Variants in DBT observed in about 807,000 individuals in gnomAD.
The protein encoded by DBT is dihydrolipoamide branched chain transacylase E2, also known as lipoamide acyltransferase component of branched-chain alpha-keto acid dehydrogenase complex, mitochondrial.
In DBT, 40 loss-of-function variants were observed where a neutral mutation model predicts 51.3. That is an observed-to-expected ratio of 0.78 (90% CI 0.61 to 1.02). DBT has a LOEUF of 1.02. Ranked by LOEUF, DBT falls within the 50% of genes least tolerant of loss-of-function variation. The pLI is 0.00. For missense variants in DBT, 510 were observed against 580.2 expected, an observed-to-expected ratio of 0.88 and a Z score of 1.24; for synonymous variants, 181 against 190.4, an observed-to-expected ratio of 0.95 and a Z score of 0.41.
At chr1:100,230,400 A>C (rs6681732) in intron 4 of DBT, among the ~76,000 whole-genome samples, 120,887 of 152,144 alleles carry the variant, frequency 0.79, 49,410 homozygotes, top group East Asian at 0.95. Flanking sequence ...TATGTGGAAC[A>C]ATGTATAATG....
In DBT at chr1:100,191,829, G is replaced by GCTCT. The variant is rs1660825893; in HGVS notation, c.*4425_*4426insAGAG. On this transcript the variant is annotated 3_prime_UTR_variant, in exon 11 of 11. Coordinates refer to ENST00000370132, the MANE Select transcript of DBT (RefSeq NM_001918.5). ...ACACAGAGTCTTGCTCTGTCGCCCA[G>GCTCT]GCTGGAGCGCAATGGCACAATCTCA... 5 of 151,538 alleles carry GCTCT rather than the reference G, an allele frequency of 3.3e-5. No individual in the cohort carries two copies. The highest frequency in any genetic ancestry group is 4.4e-5 in the Non-Finnish European group (3 of 68,462). 9.4% of individuals were successfully genotyped at this position (151,538 alleles called of 1,614,324 possible).
intron 9 of DBT, 27 bp from the exon 10 acceptor site, chr1:100,206,328 A>G (rs1661788149): frequency 1.9e-6 from 3 of 1,579,600 alleles, no homozygotes; most frequent in South Asian, 1.1e-5. Context: ...AAAAAAGGAG[A>G]GTATTAAAAG....
chr1:100,229,492 TTTC>T (rs1423360102), intron 4 of DBT, among the ~76,000 whole-genome samples: 1 of 152,176 alleles, frequency 6.6e-6, no homozygotes, highest in Non-Finnish European at 1.5e-5. Flanking sequence ...TTGGGTTTAG[TTTC>T]TTCATCTGCT....
At chr1:100,224,686 A>AC in intron 4 of DBT, among the ~76,000 whole-genome samples, 1 of 152,116 alleles carries the variant, frequency 6.6e-6, no homozygotes, top group Non-Finnish European at 1.5e-5. Flanking sequence ...CTTTACTGAG[A>AC]TAGAGCTGAC....
rs1254617766 is a variant in DBT at position 100,195,317 on chromosome 1, TATCC to T, written c.*934_*937del. The T allele has an allele frequency of 1.3e-5, 2 of 152,628 alleles. No homozygotes were observed. The highest frequency in any genetic ancestry group is 2.9e-5 in the Non-Finnish European group (2 of 68,026). The allele number at this position is 152,628 out of a possible 1,614,324, so 9.5% of individuals were successfully genotyped here. Reference sequence around the variant, plus strand: ...AAGCATTACCACAAATCTAAAACTATATCCATTTTAAACAAACACCTTTAATAGA... The same window carrying T: ...AAGCATTACCACAAATCTAAAACTATATTTTAAACAAACACCTTTAATAGA... On this transcript the variant is annotated 3_prime_UTR_variant, in exon 11 of 11. Transcript: ENST00000370132.
chr1:100,246,002 G>T (rs751041515), intron 1 of DBT, among the ~76,000 whole-genome samples: 2 of 152,090 alleles, frequency 1.3e-5, no homozygotes, highest in Non-Finnish European at 2.9e-5. Context: ...AGTGGCTCAT[G>T]CCTGTAATCC....
intron 4 of DBT, among the ~76,000 whole-genome samples, chr1:100,220,514 T>G (rs1177649013): frequency 6.6e-6 from 1 of 152,222 alleles, no homozygotes; most frequent in Non-Finnish European, 1.5e-5. Context: ...GTCTATGAAT[T>G]GGCCCAGTGG....
intron 3 of DBT, among the ~76,000 whole-genome samples, chr1:100,231,329 G>T (rs1322765890): frequency 6.6e-6 from 1 of 152,126 alleles, no homozygotes; most frequent in Non-Finnish European, 1.5e-5. Flanking sequence ...CATATCCTTT[G>T]TAATTTCATG....
chr1:100,248,347 C>T (rs551173585), intron 1 of DBT, among the ~76,000 whole-genome samples: 2 of 152,318 alleles, frequency 1.3e-5, no homozygotes, highest in Admixed American at 1.3e-4. Context: ...TGGGGATGCT[C>T]TGTATGCATG....
At chr1:100,207,230 A>G (rs1661839790) in intron 8 of DBT, among the ~76,000 whole-genome samples, 1 of 152,206 alleles carries the variant, frequency 6.6e-6, no homozygotes, top group African/African-American at 2.4e-5. Context: ...CTGGGGGCTG[A>G]AATGACGTCA....
At chr1:100,208,661 G>A (rs1428400224) in intron 8 of DBT, among the ~76,000 whole-genome samples, 2 of 151,852 alleles carry the variant, frequency 1.3e-5, no homozygotes, top group Non-Finnish European at 2.9e-5. Flanking sequence ...ACTTTGGGAG[G>A]CTGAGGTGGG....
At chr1:100,242,988 A>G (rs988147913) in intron 1 of DBT, among the ~76,000 whole-genome samples, 1 of 152,056 alleles carries the variant, frequency 6.6e-6, no homozygotes, top group African/African-American at 2.4e-5. Flanking sequence ...CAGACAGGCC[A>G]GGCATGGTGG....
intron 1 of DBT, among the ~76,000 whole-genome samples, chr1:100,244,063 CA>C (rs1162401280): frequency 0.014 from 1,107 of 79,002 alleles, 12 homozygotes; most frequent in South Asian, 0.046. Flanking sequence ...AATTCTATCT[CA>C]AAAAAAAAAA....
At chr1:100,204,503 A>G (rs1661644468) in intron 10 of DBT, among the ~76,000 whole-genome samples, 1 of 152,220 alleles carries the variant, frequency 6.6e-6, no homozygotes, top group Non-Finnish European at 1.5e-5. Context: ...AGGAAGAATC[A>G]ATATTGTGAA....
At chr1:100,223,429 G>A (rs1435189457) in intron 4 of DBT, among the ~76,000 whole-genome samples, 1 of 152,126 alleles carries the variant, frequency 6.6e-6, no homozygotes, top group Non-Finnish European at 1.5e-5. Flanking sequence ...AGGACTACAG[G>A]GGTGTACTAC....
intron 8 of DBT, among the ~76,000 whole-genome samples, chr1:100,207,623 A>G (rs547977499): frequency 6.6e-6 from 1 of 152,120 alleles, no homozygotes; most frequent in African/African-American, 2.4e-5. Flanking sequence ...GGAGTTTGAG[A>G]CCAGCCTGGG....
At chr1:100,231,886 A>T (rs1437551885) in intron 3 of DBT, among the ~76,000 whole-genome samples, 2 of 152,224 alleles carry the variant, frequency 1.3e-5, no homozygotes, top group African/African-American at 4.8e-5. Context: ...TCCTTTCCCT[A>T]GCGCAGCAGG....
chr1:100,220,328 G>A (rs773068713), intron 4 of DBT, among the ~76,000 whole-genome samples: 6 of 152,256 alleles, frequency 3.9e-5, no homozygotes, highest in Non-Finnish European at 7.4e-5. Context: ...TAGGAAATCA[G>A]TGATGTATAC....
At chr1:100,241,525 A>G (rs1664209540) in intron 1 of DBT, among the ~76,000 whole-genome samples, 1 of 151,824 alleles carries the variant, frequency 6.6e-6, no homozygotes, top group Non-Finnish European at 1.5e-5. Flanking sequence ...CCTTCCAAGT[A>G]TCTGGGACCA....
Sources: allele counts gnomAD v4.1 joint callset (sites outside exome capture counted in the v4.1 genomes callset), GRCh38; gene constraint gnomAD v4.1.1; transcripts MANE v1.5; gene names NCBI Gene and HGNC (gene_info 2026-07-23, HGNC 2026-07-21).